The following RNF111 variants were observed in gnomAD, a reference collection of about 807,000 sequenced individuals.
RNF111 encodes E3 ubiquitin-protein ligase Arkadia.
RNF111 carries 17 observed loss-of-function variants against 95.1 expected under a neutral mutation model. The observed-to-expected ratio is 0.18, with a 90% CI of 0.12 to 0.27. The LOEUF is 0.27. Among genes scored for constraint, RNF111 ranks in the 10% least tolerant of loss-of-function variants. The pLI, the probability that RNF111 is intolerant of heterozygous loss-of-function variation, is 1.00. For missense variants in RNF111, 1,189 were observed against 1,210.4 expected, an observed-to-expected ratio of 0.98 and a Z score of 0.26; for synonymous variants, 440 against 414.8, an observed-to-expected ratio of 1.06 and a Z score of -0.74.
chr15:59,057,984 A>T (rs2042266993), intron 4 of RNF111, among the ~76,000 whole-genome samples: 1 of 152,220 alleles, frequency 6.6e-6, no homozygotes, highest in African/African-American at 2.4e-5. Flanking sequence ...TGTGGTTTGT[A>T]ACACTGTTCT....
rs533048026 is a variant in RNF111, at chr15:59,074,361, G to A, written c.1687-1593G>A. 1.3e-3 allele frequency among the ~76,000 whole-genome samples: 200 copies of A among 152,294 alleles called. 1 individual carries two copies. Among genetic ancestry groups the A allele is most frequent in the African/African-American group, 4.6e-3 (192 of 41,570 alleles). On this transcript the variant is annotated intron_variant, in intron 6 of 13. Coordinates refer to ENST00000348370, the MANE Select transcript of RNF111 (RefSeq NM_017610.8). Reference sequence around the variant, plus strand: ...TCTTCCAATATTAGGCTGTTTTGTCGACATGGAAAATCTGTTATTCACTGT... The same window carrying A: ...TCTTCCAATATTAGGCTGTTTTGTCAACATGGAAAATCTGTTATTCACTGT...
At chr15:59,053,192 T>G (rs6494064) in intron 3 of RNF111, among the ~76,000 whole-genome samples, 4 of 151,920 alleles carry the variant, frequency 2.6e-5, no homozygotes, top group Non-Finnish European at 4.4e-5. Flanking sequence ...ACTAACACAT[T>G]AATGAAACAT....
At chr15:59,048,214 A>G (rs185155842) in intron 2 of RNF111, among the ~76,000 whole-genome samples, 2 of 152,376 alleles carry the variant, frequency 1.3e-5, no homozygotes, top group Admixed American at 1.3e-4. Flanking sequence ...CCAAATGTCC[A>G]TCAGTGGATG....
chr15:59,001,730 C>G (rs1319037085), intron 1 of RNF111, among the ~76,000 whole-genome samples: 4 of 152,136 alleles, frequency 2.6e-5, no homozygotes, highest in Non-Finnish European at 4.4e-5. Flanking sequence ...AGAACACCTA[C>G]AAAACATACA....
intron 1 of RNF111, among the ~76,000 whole-genome samples, chr15:58,999,098 A>G (rs951665241): frequency 6.6e-6 from 1 of 152,230 alleles, no homozygotes; most frequent in Non-Finnish European, 1.5e-5. Flanking sequence ...TGAAAAGGTT[A>G]TTAAATATAC....
At position 59,081,301 on chromosome 15, in the gene RNF111, T is replaced by A. The variant is rs752723912; in HGVS notation, c.2297+17T>A. The A allele has an allele frequency of 2.5e-6, 4 of 1,603,212 alleles. No homozygotes were observed. In the South Asian group the frequency reaches 4.4e-5, roughly 18 times the overall value. On this transcript the variant is annotated intron_variant, in intron 8 of 13. Transcript: ENST00000348370. The stretch of plus-strand genomic sequence containing the variant: ...GCATCCAACGTATGTTTTACGTTTT[T>A]AAAAAGAAAGTCAAGTTTGCTTTTT...
chr15:59,033,939 T>TA (rs1485408195), intron 2 of RNF111, among the ~76,000 whole-genome samples: 2 of 152,044 alleles, frequency 1.3e-5, no homozygotes, highest in Non-Finnish European at 2.9e-5. Context: ...AAACTGGTTT[T>TA]AAAAAAAATA....
At chr15:59,039,211 G>A (rs771272246) in intron 2 of RNF111, among the ~76,000 whole-genome samples, 2 of 152,034 alleles carry the variant, frequency 1.3e-5, no homozygotes, top group South Asian at 2.1e-4. Context: ...TCATCTGCCC[G>A]CCTTGGCCTC....
intron 1 of RNF111, among the ~76,000 whole-genome samples, chr15:58,990,710 T>C (rs1464672456): frequency 6.6e-6 from 1 of 152,208 alleles, no homozygotes; most frequent in East Asian, 1.9e-4. Flanking sequence ...GCTATTGTTG[T>C]CCCATTGTAG....
intron 5 of RNF111, among the ~76,000 whole-genome samples, chr15:59,066,069 A>G (rs1218277157): frequency 1.3e-5 from 2 of 152,164 alleles, no homozygotes; most frequent in African/African-American, 4.8e-5. Flanking sequence ...AGGATTTATG[A>G]TATTAGGGGT....
intron 1 of RNF111, among the ~76,000 whole-genome samples, chr15:59,026,564 G>A (rs2040621078): frequency 6.6e-6 from 1 of 152,076 alleles, no homozygotes; most frequent in Non-Finnish European, 1.5e-5. Context: ...AAAAATAAAA[G>A]ACTAGAATAT....
At chr15:59,045,254 G>A (rs929018700) in intron 2 of RNF111, among the ~76,000 whole-genome samples, 13 of 150,312 alleles carry the variant, frequency 8.6e-5, no homozygotes, top group South Asian at 6.3e-4. Context: ...GCAGTGGCAC[G>A]ATCTTGGCTC....
At chr15:59,023,027 A>G (rs2040422165) in intron 1 of RNF111, among the ~76,000 whole-genome samples, 1 of 152,194 alleles carries the variant, frequency 6.6e-6, no homozygotes. Context: ...CGGGAGGATC[A>G]CCTGAGGTCA....
In RNF111 at chr15:59,049,034, G is replaced by C. The variant is rs559666347; in HGVS notation, c.881-3271G>C. ...GAGGATCACTGGAGCCCAGGAGATT[G>C]ACGGCATGAGCGTGATTGTGCCCCT... On this transcript the variant is annotated intron_variant, in intron 2 of 13. Coordinates refer to ENST00000348370, the MANE Select transcript of RNF111 (RefSeq NM_017610.8). Among the ~76,000 whole-genome samples, 5 of 152,130 alleles carry C rather than the reference G, an allele frequency of 3.3e-5. No individual in the cohort carries two copies. The South Asian group carries it at 1.0e-3, about 32-fold the overall frequency.
At chr15:59,052,817 T>C (rs1413191866) in intron 3 of RNF111, among the ~76,000 whole-genome samples, 1 of 152,142 alleles carries the variant, frequency 6.6e-6, no homozygotes, top group African/African-American at 2.4e-5. Flanking sequence ...ACTAGAATTT[T>C]AGAGGTTAGT....
chr15:59,025,240 C>T (rs1181163225), intron 1 of RNF111, among the ~76,000 whole-genome samples: 3 of 152,154 alleles, frequency 2.0e-5, no homozygotes, highest in African/African-American at 7.2e-5. Flanking sequence ...TAACTTTCTC[C>T]TTTCTACTAG....
chr15:59,066,632 A>C lies in RNF111; in HGVS notation c.1367-132A>C, dbSNP rs911168641. ...CTCAAAAAAAAAAGAACGTGGCACTATCACATTATTTACAGAGATTTGAAA... is the reference window on the plus strand; with the variant it reads ...CTCAAAAAAAAAAGAACGTGGCACTCTCACATTATTTACAGAGATTTGAAA... On this transcript the variant is annotated intron_variant, in intron 5 of 13. Transcript: ENST00000348370. 1.2e-5 allele frequency: 9 copies of C among 761,742 alleles called. No homozygotes were observed. The East Asian group carries it at 2.4e-4, about 21-fold the overall frequency. The allele number at this position is 761,742 out of a possible 1,614,324, so 47.2% of individuals were successfully genotyped here. A position where few individuals can be genotyped will look rare whatever the true frequency, so the allele number is the denominator to read the frequency against.
chr15:59,076,009 G>A lies in RNF111; in HGVS notation c.1742G>A (p.Ser581Asn), dbSNP rs764385456. The change falls in exon 7 of 14, where the codon AGT becomes AAT. Residue 581 changes from serine (S) to asparagine (N), a missense_variant. By Grantham distance (46) the Ser-to-Asn change is conservative (BLOSUM62 1). Coordinates refer to ENST00000348370, the MANE Select transcript of RNF111 (RefSeq NM_017610.8). ...NSGIRSHGSG[S>N]FHGASAFDPC... is the part of the protein sequence containing the mutation. ...GGTATCAGAAGTCATGGAAGTGGCAGTTTTCATGGAGCATCTGCATTTGAC... is the reference window on the plus strand; with the variant it reads ...GGTATCAGAAGTCATGGAAGTGGCAATTTTCATGGAGCATCTGCATTTGAC... The A allele has an allele frequency of 2.5e-6, 4 of 1,614,104 alleles. No homozygotes were observed. In the African/African-American group the frequency reaches 4.0e-5, roughly 16 times the overall value.
intron 3 of RNF111, among the ~76,000 whole-genome samples, chr15:59,053,642 C>G (rs1198946006): frequency 6.6e-6 from 1 of 152,056 alleles, no homozygotes; most frequent in Non-Finnish European, 1.5e-5. Flanking sequence ...AACTGAAAAC[C>G]AGTGTTATGT....
Sources: allele counts gnomAD v4.1 joint callset (sites outside exome capture counted in the v4.1 genomes callset), GRCh38; gene constraint gnomAD v4.1.1; transcripts MANE v1.5; gene names NCBI Gene and HGNC (gene_info 2026-07-23, HGNC 2026-07-21).